ROBO2: variants seen among roughly 807,000 people sequenced by gnomAD.
The protein encoded by ROBO2 is roundabout guidance receptor 2, also known as roundabout homolog 2.
ROBO2 carries 53 observed loss-of-function variants against 160.8 expected under a neutral mutation model. The observed-to-expected ratio is 0.33, with a 90% CI of 0.26 to 0.41. The LOEUF (loss-of-function observed/expected upper bound fraction) is 0.41. Among genes scored for constraint, ROBO2 ranks in the 10% least tolerant of loss-of-function variants. ROBO2 has a pLI of 1.00. For missense variants in ROBO2, 1,577 were observed against 1,722.4 expected (o/e 0.92, Z 1.49); for synonymous variants, 664 against 611.7 (o/e 1.09, Z -1.26).
intron 2 of ROBO2, among the ~76,000 whole-genome samples, chr3:77,291,834 A>C (rs540280037): frequency 6.6e-6 from 1 of 151,958 alleles, no homozygotes; most frequent in South Asian, 2.1e-4. Context: ...ATTGATGGTT[A>C]AACGGGTAAG....
intron 2 of ROBO2, among the ~76,000 whole-genome samples, chr3:77,455,677 G>A (rs768499694): frequency 1.3e-5 from 2 of 151,416 alleles, no homozygotes; most frequent in African/African-American, 2.4e-5. Flanking sequence ...TGATCCGCCC[G>A]CCTCGGGCTC....
chr3:77,016,602 T>C (rs2062276376), intron 2 of ROBO2, among the ~76,000 whole-genome samples: 1 of 152,200 alleles, frequency 6.6e-6, no homozygotes. Context: ...CTCTTTAATC[T>C]ACAAAAACAG....
At chr3:76,228,912 T>A (rs1020335593) in intron 2 of ROBO2, among the ~76,000 whole-genome samples, 1 of 152,172 alleles carries the variant, frequency 6.6e-6, no homozygotes, top group Non-Finnish European at 1.5e-5. Flanking sequence ...CTTGTGACGC[T>A]GAGATGGGAG....
At chr3:76,507,397 G>C (rs1036454651) in intron 2 of ROBO2, among the ~76,000 whole-genome samples, 1 of 151,900 alleles carries the variant, frequency 6.6e-6, no homozygotes. Context: ...GAACTTATGA[G>C]TTCTTTATAA....
chr3:76,697,690 A>G (rs202004732), intron 2 of ROBO2, among the ~76,000 whole-genome samples: 1 of 63,342 alleles, frequency 1.6e-5, no homozygotes, highest in Non-Finnish European at 3.9e-5. Context: ...TGAAAATATT[A>G]GACAATTGTA....
chr3:76,639,237 C>T (rs572448244), intron 2 of ROBO2, among the ~76,000 whole-genome samples: 40 of 151,242 alleles, frequency 2.6e-4, no homozygotes, highest in Middle Eastern at 3.4e-3. Flanking sequence ...CATATACAGA[C>T]GTGCATATGT....
intron 13 of ROBO2, among the ~76,000 whole-genome samples, chr3:77,569,292 C>A (rs1347546059): frequency 1.3e-5 from 2 of 152,036 alleles, no homozygotes; most frequent in Non-Finnish European, 2.9e-5. Flanking sequence ...GTTCCAGATT[C>A]TCTCAAATCC....
intron 2 of ROBO2, among the ~76,000 whole-genome samples, chr3:77,388,160 AC>A (rs2074333307): frequency 6.6e-6 from 1 of 152,008 alleles, no homozygotes; most frequent in Non-Finnish European, 1.5e-5. Flanking sequence ...ACACACACAC[AC>A]ACACACACAC....
intron 2 of ROBO2, among the ~76,000 whole-genome samples, chr3:76,931,355 AG>A (rs1334610360): frequency 6.6e-6 from 1 of 152,180 alleles, no homozygotes; most frequent in East Asian, 1.9e-4. Context: ...CAATTCAGAA[AG>A]CAAAATAGTG....
At chr3:76,648,638 T>A (rs1358281638) in intron 2 of ROBO2, among the ~76,000 whole-genome samples, 1 of 152,032 alleles carries the variant, frequency 6.6e-6, no homozygotes, top group East Asian at 1.9e-4. Flanking sequence ...CTATCAAAAC[T>A]TTCAGAGAAT....
chr3:76,682,708 A>G (rs1446235538), intron 2 of ROBO2, among the ~76,000 whole-genome samples: 1 of 152,138 alleles, frequency 6.6e-6, no homozygotes, highest in African/African-American at 2.4e-5. Context: ...GCCCGGCCCA[A>G]AAATTTCTTT....
At chr3:77,090,635 TG>T (rs2070088032) in intron 1 of ROBO2, among the ~76,000 whole-genome samples, 1 of 152,014 alleles carries the variant, frequency 6.6e-6, no homozygotes, top group African/African-American at 2.4e-5. Context: ...ATTACAGGTG[TG>T]AGTCACAGCG....
At chr3:77,128,400 C>T (rs2075542246) in intron 2 of ROBO2, among the ~76,000 whole-genome samples, 1 of 152,186 alleles carries the variant, frequency 6.6e-6, no homozygotes, top group Non-Finnish European at 1.5e-5. Context: ...AGCTTTGGTA[C>T]TATCCCTGGT....
At chr3:76,646,590 TTAAAG>T (rs1374030474) in intron 2 of ROBO2, among the ~76,000 whole-genome samples, 1 of 152,176 alleles carries the variant, frequency 6.6e-6, no homozygotes, top group African/African-American at 2.4e-5. Flanking sequence ...GAATATGCAA[TTAAAG>T]TATTTAGCAC....
At chr3:76,118,779 A>G (rs758178829) in intron 2 of ROBO2, among the ~76,000 whole-genome samples, 22 of 152,164 alleles carry the variant, frequency 1.4e-4, no homozygotes, top group Non-Finnish European at 2.4e-4. Flanking sequence ...ATTTCCTTCA[A>G]GAGATGTCAA....
chr3:75,963,812 C>G (rs915014802), intron 2 of ROBO2, among the ~76,000 whole-genome samples: 1 of 151,750 alleles, frequency 6.6e-6, no homozygotes, highest in African/African-American at 2.4e-5. Context: ...TGCCTTCTCA[C>G]AGCTCTGTCT....
intron 2 of ROBO2, among the ~76,000 whole-genome samples, chr3:76,057,333 C>T (rs1576665631): frequency 6.6e-6 from 1 of 152,106 alleles, no homozygotes; most frequent in East Asian, 1.9e-4. Context: ...AAGTATGATC[C>T]TCAGTACCTC....
intron 2 of ROBO2, among the ~76,000 whole-genome samples, chr3:76,388,315 AG>A (rs751228270): frequency 3.3e-4 from 50 of 150,602 alleles, no homozygotes; most frequent in Non-Finnish European, 6.3e-4. Flanking sequence ...TCTGTCGCCC[AG>A]GCTGGAGTGC....
At chr3:77,196,782 A>C (rs779212648) in intron 2 of ROBO2, among the ~76,000 whole-genome samples, 1 of 152,102 alleles carries the variant, frequency 6.6e-6, no homozygotes, top group Non-Finnish European at 1.5e-5. Flanking sequence ...ATGTAGAAAA[A>C]TATGTTCTTT....
Sources: allele counts gnomAD v4.1 joint callset (sites outside exome capture counted in the v4.1 genomes callset), GRCh38; gene constraint gnomAD v4.1.1; transcripts MANE v1.5; gene names NCBI Gene and HGNC (gene_info 2026-07-23, HGNC 2026-07-21).